Variants in RBFOX1 observed in about 807,000 individuals in gnomAD.
RBFOX1 encodes RNA binding fox-1 homolog 1.
A neutral mutation model predicts 57.7 loss-of-function variants in RBFOX1; 8 were observed. The ratio of observed to expected loss-of-function variants is 0.14; its 90% CI spans 0.08 to 0.25. RBFOX1 has a LOEUF of 0.25. Ranked by LOEUF, RBFOX1 falls within the 10% of genes least tolerant of loss-of-function variation. RBFOX1 has a pLI of 1.00. For synonymous variants in RBFOX1, 326 were observed against 222.4 expected (o/e 1.47, Z -4.15); for missense variants, 611 against 548.5 (o/e 1.11, Z -1.14).
At chr16:7,181,584 T>C (rs1289573217) in intron 4 of RBFOX1, among the ~76,000 whole-genome samples, 2 of 151,892 alleles carry the variant, frequency 1.3e-5, no homozygotes, top group Non-Finnish European at 2.9e-5. Context: ...TCTTTCTCGC[T>C]TGCTTGCTTG....
chr16:6,835,752 T>TAA (rs56299805), intron 3 of RBFOX1, among the ~76,000 whole-genome samples: 20 of 76,988 alleles, frequency 2.6e-4, no homozygotes, highest in African/African-American at 5.7e-4. Context: ...AGACTCTGCT[T>TAA]AAAAAAAAAA....
chr16:7,193,220 G>C (rs1011728489), intron 4 of RBFOX1, among the ~76,000 whole-genome samples: 8 of 152,178 alleles, frequency 5.3e-5, no homozygotes, highest in Non-Finnish European at 7.3e-5. Context: ...GAGAGTATCA[G>C]AGCAGCTCTT....
chr16:5,729,463 A>G (rs1211724725), intron 3 of RBFOX1, among the ~76,000 whole-genome samples: 1 of 137,816 alleles, frequency 7.3e-6, no homozygotes, highest in Admixed American at 8.1e-5. Context: ...CATCTGGTGG[A>G]TAGATGGCTT....
At chr16:6,265,825 C>G (rs73531480) in intron 1 of RBFOX1, among the ~76,000 whole-genome samples, 6,918 of 152,164 alleles carry the variant, frequency 0.045, 525 homozygotes, top group African/African-American at 0.16. Flanking sequence ...CCTTCTGCCC[C>G]CTCTTCTGCC....
chr16:7,222,591 C>G (rs1422424420), intron 4 of RBFOX1, among the ~76,000 whole-genome samples: 2 of 152,166 alleles, frequency 1.3e-5, no homozygotes, highest in African/African-American at 4.8e-5. Context: ...TTGTTCCTGC[C>G]TGGGTTCAAA....
intron 3 of RBFOX1, among the ~76,000 whole-genome samples, chr16:6,716,453 T>C (rs2064838661): frequency 6.6e-6 from 1 of 152,236 alleles, no homozygotes; most frequent in Non-Finnish European, 1.5e-5. Context: ...TTTTGCTTTA[T>C]TGCATTTTCC....
intron 14 of RBFOX1, among the ~76,000 whole-genome samples, chr16:7,700,162 G>T (rs776636278): frequency 2.0e-5 from 3 of 152,070 alleles, no homozygotes; most frequent in African/African-American, 4.8e-5. Flanking sequence ...TTCAGGGGTA[G>T]CTCTGACACA....
chr16:6,866,769 C>T (rs553917157), intron 3 of RBFOX1, among the ~76,000 whole-genome samples: 1 of 151,944 alleles, frequency 6.6e-6, no homozygotes, highest in East Asian at 1.9e-4. Context: ...GTCTCGATCT[C>T]CTGACCTCGT....
At chr16:6,323,724 T>G (rs2082059332) in intron 2 of RBFOX1, among the ~76,000 whole-genome samples, 1 of 152,188 alleles carries the variant, frequency 6.6e-6, no homozygotes, top group South Asian at 2.1e-4. Context: ...ATTTAGAGGT[T>G]GCAAGTACAG....
intron 1 of RBFOX1, among the ~76,000 whole-genome samples, chr16:6,315,017 C>G (rs1599544539): frequency 6.6e-6 from 1 of 152,312 alleles, no homozygotes; most frequent in South Asian, 2.1e-4. Context: ...ACTGTAGGCA[C>G]CAAGGGGACA....
chr16:7,129,784 T>C (rs1473583298), intron 4 of RBFOX1, among the ~76,000 whole-genome samples: 1 of 113,900 alleles, frequency 8.8e-6, no homozygotes, highest in Non-Finnish European at 1.6e-5. Flanking sequence ...AAGAGACATT[T>C]ATCACACTGA....
At chr16:7,565,515 G>A (rs759495302) in intron 5 of RBFOX1, among the ~76,000 whole-genome samples, 6 of 152,134 alleles carry the variant, frequency 3.9e-5, no homozygotes, top group Non-Finnish European at 8.8e-5. Context: ...GAGGGGGACC[G>A]TGGACCCTGT....
chr16:5,834,757 A>G (rs2056402223), intron 3 of RBFOX1, among the ~76,000 whole-genome samples: 1 of 150,074 alleles, frequency 6.7e-6, no homozygotes, highest in African/African-American at 2.5e-5. Context: ...ATACATACAT[A>G]CATACATACA....
chr16:5,438,790 C>T (rs76397856), intron 1 of RBFOX1, among the ~76,000 whole-genome samples: 6,987 of 152,136 alleles, frequency 0.046, 192 homozygotes, highest in East Asian at 0.11. Flanking sequence ...CTCATCCGTC[C>T]TGTGGGGGTG....
intron 2 of RBFOX1, among the ~76,000 whole-genome samples, chr16:5,564,006 GT>G (rs202217071): frequency 2.0e-5 from 3 of 152,116 alleles, no homozygotes; most frequent in African/African-American, 4.8e-5. Context: ...GTAGGAGAGA[GT>G]TTTTTTAAAA....
chr16:7,482,805 C>G (rs182752901), intron 4 of RBFOX1, among the ~76,000 whole-genome samples: 1 of 152,050 alleles, frequency 6.6e-6, no homozygotes, highest in Non-Finnish European at 1.5e-5. Context: ...AATGAGTCCT[C>G]CCACAAGCTC....
chr16:7,708,645 G>C (rs1379531803), intron 14 of RBFOX1, among the ~76,000 whole-genome samples: 2 of 152,134 alleles, frequency 1.3e-5, no homozygotes, highest in Non-Finnish European at 2.9e-5. Context: ...CACTTGAATG[G>C]TGACAGCTGA....
rs547132308 is a variant in RBFOX1, at chr16:5,797,237, T to C, written c.319-70066T>C. Among the ~76,000 whole-genome samples the C allele has an allele frequency of 3.3e-5, 5 of 152,266 alleles. No homozygotes were observed. The East Asian group carries it at 9.7e-4, about 29-fold the overall frequency. ...CTATCACTATTCTTTACCTTTTGGATCTTTGAAGGTAAACTACATAGACTG... is the reference window on the plus strand; with the variant it reads ...CTATCACTATTCTTTACCTTTTGGACCTTTGAAGGTAAACTACATAGACTG... On this transcript the variant is annotated intron_variant, in intron 3 of 19. Transcript: ENST00000641259.
chr16:7,266,379 G>A (rs917920484), intron 4 of RBFOX1, among the ~76,000 whole-genome samples: 1 of 152,086 alleles, frequency 6.6e-6, no homozygotes, highest in African/African-American at 2.4e-5. Context: ...CTCACTTTCC[G>A]CCATGACGAA....
Sources: gnomAD v4.1 joint callset for allele counts (sites outside exome capture counted in the v4.1 genomes callset) on GRCh38, gnomAD v4.1.1 for gene constraint, MANE v1.5 for transcripts, NCBI Gene and HGNC (gene_info 2026-07-23, HGNC 2026-07-21) for gene names.